CHN2: variants seen among roughly 807,000 people sequenced by gnomAD.
CHN2 encodes beta-chimaerin.
CHN2 carries 35 observed loss-of-function variants against 56.3 expected under a neutral mutation model. That is an observed-to-expected ratio of 0.62 (90% CI 0.47 to 0.82). The LOEUF is 0.82. Ranked by LOEUF, CHN2 falls within the 40% of genes least tolerant of loss-of-function variation. CHN2 has a pLI of 0.00. For missense variants in CHN2, 491 were observed against 580.5 expected (o/e 0.85, Z 1.58); for synonymous variants, 210 against 212.8 (o/e 0.99, Z 0.12).
At chr7:29,256,697 C>T (rs1007903985) in intron 1 of CHN2, among the ~76,000 whole-genome samples, 2 of 152,108 alleles carry the variant, frequency 1.3e-5, no homozygotes, top group Non-Finnish European at 2.9e-5. Flanking sequence ...GCTGGTCTGG[C>T]ACAGGTGATC....
At chr7:29,312,608 C>G (rs1372716723) in intron 1 of CHN2, among the ~76,000 whole-genome samples, 1 of 152,004 alleles carries the variant, frequency 6.6e-6, no homozygotes, top group Non-Finnish European at 1.5e-5. Flanking sequence ...TCTAAGTGAC[C>G]TAAATAATAA....
chr7:29,413,774 T>C (rs1430072270), intron 6 of CHN2, among the ~76,000 whole-genome samples: 1 of 152,228 alleles, frequency 6.6e-6, no homozygotes, highest in East Asian at 1.9e-4. Flanking sequence ...CTGGACCACA[T>C]TGACACAGTG....
chr7:29,155,068 G>A (rs245901), intron 2 of CHN2, among the ~76,000 whole-genome samples: 84,994 of 151,830 alleles, frequency 0.56, 24,626 homozygotes, highest in African/African-American at 0.72. Context: ...CTTATTCACT[G>A]TCAGGAGAAC....
chr7:29,180,678 A>G (rs370390079), intron 2 of CHN2, among the ~76,000 whole-genome samples: 1 of 152,348 alleles, frequency 6.6e-6, no homozygotes, highest in East Asian at 1.9e-4. Context: ...ATTACTATGT[A>G]AAGAGTTATT....
intron 6 of CHN2, among the ~76,000 whole-genome samples, chr7:29,437,212 A>C (rs1051161209): frequency 6.6e-6 from 1 of 152,242 alleles, no homozygotes; most frequent in Admixed American, 6.5e-5. Context: ...ATTAGACAAT[A>C]AAGATTTAAG....
intron 2 of CHN2, among the ~76,000 whole-genome samples, chr7:29,157,249 C>T (rs141363794): frequency 0.015 from 2,296 of 152,184 alleles, 45 homozygotes; most frequent in African/African-American, 0.052. Flanking sequence ...GAATGAGATG[C>T]GACCCCTCCC....
chr7:29,313,481 A>G (rs1794736612), intron 1 of CHN2, among the ~76,000 whole-genome samples: 1 of 152,170 alleles, frequency 6.6e-6, no homozygotes, highest in Admixed American at 6.5e-5. Context: ...AGAAAAATGC[A>G]GAAGCAGCCC....
chr7:29,183,235 C>G (rs1275151623), intron 2 of CHN2, among the ~76,000 whole-genome samples: 1 of 152,040 alleles, frequency 6.6e-6, no homozygotes, highest in East Asian at 1.9e-4. Context: ...CAGGCATATG[C>G]CAACATGACT....
chr7:29,182,420 T>C (rs1404002233), intron 2 of CHN2, among the ~76,000 whole-genome samples: 13 of 152,202 alleles, frequency 8.5e-5, no homozygotes, highest in Admixed American at 8.5e-4. Flanking sequence ...AGAATAGGGC[T>C]ATGGGGACCC....
At chr7:29,419,100 G>C (rs1298022941) in intron 6 of CHN2, among the ~76,000 whole-genome samples, 1 of 132,678 alleles carries the variant, frequency 7.5e-6, no homozygotes, top group Admixed American at 8.2e-5. Context: ...TCTTGGGTGT[G>C]CCTGTGTATA....
chr7:29,243,393 C>CA lies in CHN2; in HGVS notation c.49+48404dup, dbSNP rs1402729446. On this transcript the variant is annotated intron_variant, in intron 1 of 12. Transcript: ENST00000222792. Reference sequence around the variant, plus strand: ...TAATCCTGAAAAATTGTAGACCAGTCAGAGTTTTCTAAGTTGAATCAGCTA... The same window carrying CA: ...TAATCCTGAAAAATTGTAGACCAGTCAAGAGTTTTCTAAGTTGAATCAGCTA... Among the ~76,000 whole-genome samples the CA allele has an allele frequency of 3.3e-5, 5 of 152,246 alleles. No individual in the cohort carries two copies. In the East Asian group the frequency reaches 9.7e-4, roughly 29 times the overall value.
intron 1 of CHN2, among the ~76,000 whole-genome samples, chr7:29,295,281 G>A (rs1328516352): frequency 6.8e-6 from 1 of 147,982 alleles, no homozygotes; most frequent in Non-Finnish European, 1.5e-5. Flanking sequence ...CCAGGGATAC[G>A]AAGGGCCGAC....
chr7:29,172,776 C>T lies in CHN2; in HGVS notation c.274+25816C>T, dbSNP rs980433668. Among the ~76,000 whole-genome samples, 7 of 151,380 alleles carry T rather than the reference C, an allele frequency of 4.6e-5. No homozygotes were observed. The East Asian group carries it at 1.2e-3, about 25-fold the overall frequency. On this transcript the variant is annotated intron_variant, in intron 2 of 6. Coordinates refer to the CHN2 transcript ENST00000439384. ...ACCTTAACATTTTAATATTATAAAA[C>T]TTTTTTTTTCAACTTCTGTTTCCAG...
At chr7:29,398,204 G>C in intron 4 of CHN2, 169 bp from the exon 5 acceptor site, 1 of 526,750 alleles carries the variant, frequency 1.9e-6, no homozygotes, top group Non-Finnish European at 3.4e-6. Flanking sequence ...TTTGGAGCAT[G>C]TGAGGGGTGG....
intron 6 of CHN2, among the ~76,000 whole-genome samples, chr7:29,415,305 A>T (rs978847893): frequency 6.6e-6 from 1 of 152,220 alleles, no homozygotes; most frequent in Non-Finnish European, 1.5e-5. Context: ...ACATCAAAGA[A>T]TGAAGCCATG....
chr7:29,425,824 T>G (rs1379927628), intron 6 of CHN2, among the ~76,000 whole-genome samples: 2 of 152,158 alleles, frequency 1.3e-5, no homozygotes, highest in African/African-American at 4.8e-5. Context: ...TATAAAACAA[T>G]TAAAACCCTG....
At chr7:29,288,526 C>T (rs1026148787) in intron 1 of CHN2, among the ~76,000 whole-genome samples, 1 of 151,734 alleles carries the variant, frequency 6.6e-6, no homozygotes, top group African/African-American at 2.4e-5. Flanking sequence ...TCTTTTTTTC[C>T]CCCCATTTTC....
intron 1 of CHN2, among the ~76,000 whole-genome samples, chr7:29,213,617 C>G (rs1047523282): frequency 1.3e-5 from 2 of 152,096 alleles, no homozygotes; most frequent in African/African-American, 4.8e-5. Flanking sequence ...GGAGGCTTTA[C>G]TTATTTTTTA....
chr7:29,372,304 C>T (rs1799679872), intron 3 of CHN2, among the ~76,000 whole-genome samples: 1 of 152,124 alleles, frequency 6.6e-6, no homozygotes, highest in South Asian at 2.1e-4. Flanking sequence ...AGGTTCTCTG[C>T]ACGTCTAGGT....
Sources: gnomAD v4.1 joint callset for allele counts (sites outside exome capture counted in the v4.1 genomes callset) on GRCh38, gnomAD v4.1.1 for gene constraint, MANE v1.5 for transcripts, NCBI Gene and HGNC (gene_info 2026-07-23, HGNC 2026-07-21) for gene names.